The following KLHL13 variants were observed in gnomAD, a reference collection of about 807,000 sequenced individuals.
KLHL13 encodes kelch like family member 13, also known as kelch-like protein 13.
In KLHL13, 10 loss-of-function variants were observed where a neutral mutation model predicts 37.1. The ratio of observed to expected loss-of-function variants is 0.27; its 90% CI spans 0.17 to 0.46. The LOEUF is 0.46. Ranked by LOEUF, KLHL13 falls within the 20% of genes least tolerant of loss-of-function variation. The pLI is 1.00. For synonymous variants in KLHL13, 163 were observed against 181.2 expected, an observed-to-expected ratio of 0.90 and a Z score of 0.81; for missense variants, 360 against 509.3, an observed-to-expected ratio of 0.71 and a Z score of 2.82.
At chrX:118,015,439 G>C (rs1025123658) in intron 1 of KLHL13, among the ~76,000 whole-genome samples, 2 of 110,763 alleles carry the variant, frequency 1.8e-5, no homozygotes, top group African/African-American at 6.6e-5. Flanking sequence ...TTTTAGTCTG[G>C]GACTCAGAAA....
intron 1 of KLHL13, among the ~76,000 whole-genome samples, chrX:118,032,284 G>A (rs767102138): frequency 8.9e-6 from 1 of 112,318 alleles, no homozygotes; most frequent in African/African-American, 3.2e-5. Flanking sequence ...CACCTCTGGG[G>A]GCAGGGCACA....
At chrX:118,089,613 A>AG (rs1569313830) in intron 1 of KLHL13, among the ~76,000 whole-genome samples, 12 of 61,294 alleles carry the variant, frequency 2.0e-4, no homozygotes, top group African/African-American at 6.1e-4. Flanking sequence ...AGAGAGAGAG[A>AG]AAGAAAGAGA....
chrX:118,067,511 AT>A lies in KLHL13; in HGVS notation c.-56+48996del, dbSNP rs200972264. 7.0e-3 allele frequency among the ~76,000 whole-genome samples: 784 copies of A among 111,945 alleles called. 6 individuals are homozygous for A. The highest frequency in any genetic ancestry group is 0.022 in the African/African-American group (692 of 30,881). On this transcript the variant is annotated intron_variant, in intron 1 of 6. Transcript: ENST00000371882. ...TGTAACTTTTTTTATATGCTTTTAA[AT>A]TTTTTTTAACTTTTTGCCTCTTTTG...
At chrX:117,974,625 A>G (rs2147909755), upstream of KLHL13, among the ~76,000 whole-genome samples, 1 of 111,827 alleles carries the variant, frequency 8.9e-6, no homozygotes, top group African/African-American at 3.2e-5. Flanking sequence ...TAACATAATC[A>G]CAAATGCCTT....
At chrX:117,945,410 T>C in intron 2 of KLHL13, 24 bp downstream of exon 3, 1 of 1,201,162 alleles carries the variant, frequency 8.3e-7, no homozygotes, top group Non-Finnish European at 1.1e-6. Context: ...ACGTAAACAC[T>C]ACCAAAGAGA....
chrX:117,940,231 G>A (rs1486772742), intron 2 of KLHL13, among the ~76,000 whole-genome samples: 1 of 111,553 alleles, frequency 9.0e-6, no homozygotes, highest in Non-Finnish European at 1.9e-5. Context: ...TTGTCAGGTT[G>A]GGCAAAGATC....
At chrX:117,943,013 C>G (rs934863385) in intron 2 of KLHL13, among the ~76,000 whole-genome samples, 1 of 111,228 alleles carries the variant, frequency 9.0e-6, no homozygotes, top group Non-Finnish European at 1.9e-5. Context: ...TCTTATAAGG[C>G]AGGCCTGGTA....
chrX:117,909,575 TTCA>T (rs748538812), exon 5 of KLHL13: 1 of 1,210,083 alleles, frequency 8.3e-7, no homozygotes, highest in East Asian at 3.0e-5. Flanking sequence ...CATGGGCCTT[TTCA>T]TCATACATGC....
intron 1 of KLHL13, among the ~76,000 whole-genome samples, chrX:118,066,495 C>T (rs2054795187): frequency 9.0e-6 from 1 of 111,243 alleles, no homozygotes; most frequent in African/African-American, 3.3e-5. Flanking sequence ...TAAGTTAACT[C>T]AAAGTGGATC....
intron 1 of KLHL13, among the ~76,000 whole-genome samples, chrX:118,069,864 A>T (rs1002964109): frequency 1.8e-5 from 2 of 112,367 alleles, no homozygotes; most frequent in African/African-American, 6.5e-5. Context: ...AGGCATTCAC[A>T]TTCTCTTCTC....
intron 1 of KLHL13, among the ~76,000 whole-genome samples, chrX:117,968,989 G>A: frequency 9.0e-6 from 1 of 111,020 alleles, no homozygotes; most frequent in Non-Finnish European, 1.9e-5. Flanking sequence ...TGTGTTTTTT[G>A]GCATTTACTA....
intron 1 of KLHL13, among the ~76,000 whole-genome samples, chrX:118,097,696 A>C (rs1484874936): frequency 8.9e-6 from 1 of 112,022 alleles, no homozygotes; most frequent in African/African-American, 3.2e-5. Flanking sequence ...AGGCTACAGT[A>C]ACCAAAACAG....
chrX:117,909,981 G>A, exon 5 of KLHL13: 1 of 1,210,232 alleles, frequency 8.3e-7, no homozygotes, highest in Non-Finnish European at 1.1e-6. Flanking sequence ...GAACTCCCCT[G>A]TGCTCAGCAA....
chrX:117,984,383 G>A (rs764089361), intron 1 of KLHL13, among the ~76,000 whole-genome samples: 1 of 111,434 alleles, frequency 9.0e-6, no homozygotes, highest in African/African-American at 3.2e-5. Flanking sequence ...TCAGCATATA[G>A]AAAGTAAGCA....
At chrX:118,057,212 T>C (rs140036704) in intron 1 of KLHL13, among the ~76,000 whole-genome samples, 1 of 111,875 alleles carries the variant, frequency 8.9e-6, no homozygotes, top group Non-Finnish European at 1.9e-5. Flanking sequence ...GTTAACTATT[T>C]TCCATAAGTG....
chrX:117,943,698 T>C (rs1331378402), intron 2 of KLHL13, among the ~76,000 whole-genome samples: 1 of 109,223 alleles, frequency 9.2e-6, no homozygotes, highest in Non-Finnish European at 1.9e-5. Flanking sequence ...TGTTCTTCTC[T>C]AAACTGGTTA....
intron 1 of KLHL13, among the ~76,000 whole-genome samples, chrX:117,991,453 T>A (rs186019892): frequency 8.1e-5 from 9 of 111,390 alleles, no homozygotes; most frequent in Admixed American, 2.9e-4. Context: ...AATTCAAAAT[T>A]TAGAATTCAT....
intron 1 of KLHL13, among the ~76,000 whole-genome samples, chrX:118,030,689 G>A (rs2148030323): frequency 8.9e-6 from 1 of 111,776 alleles, no homozygotes; most frequent in South Asian, 3.7e-4. Flanking sequence ...CTTATAAAAG[G>A]ACAAGTTCAA....
At chrX:117,923,570 C>T (rs1931839422) in intron 2 of KLHL13, among the ~76,000 whole-genome samples, 1 of 112,270 alleles carries the variant, frequency 8.9e-6, no homozygotes, top group African/African-American at 3.2e-5. Context: ...ATTTGCTAGC[C>T]TCCTGCCTTT....
Sources: allele counts gnomAD v4.1 joint callset (sites outside exome capture counted in the v4.1 genomes callset), GRCh38; gene constraint gnomAD v4.1.1; transcripts MANE v1.5; gene names NCBI Gene and HGNC (gene_info 2026-07-23, HGNC 2026-07-21).